Variants in EXOC4 observed in about 807,000 individuals in gnomAD.
The protein encoded by EXOC4 is SEC8-like 1.
A neutral mutation model predicts 107.2 loss-of-function variants in EXOC4; 71 were observed. That is an observed-to-expected ratio of 0.66 (90% CI 0.55 to 0.81). EXOC4 has a LOEUF of 0.81. Ranked by LOEUF, EXOC4 falls within the 30% of genes least tolerant of loss-of-function variation. The pLI is 0.00. For missense variants in EXOC4, 1,108 were observed against 1,189.6 expected (o/e 0.93, Z 1.01); for synonymous variants, 456 against 441.2 (o/e 1.03, Z -0.42).
intron 9 of EXOC4, among the ~76,000 whole-genome samples, chr7:133,485,094 TA>T (rs1294333074): frequency 2.3e-5 from 3 of 128,986 alleles, no homozygotes; most frequent in Non-Finnish European, 4.8e-5. Flanking sequence ...AATAAATAAA[TA>T]AATAAATAAA....
At chr7:134,030,536 C>A (rs1340162178) in intron 17 of EXOC4, among the ~76,000 whole-genome samples, 1 of 152,140 alleles carries the variant, frequency 6.6e-6, no homozygotes, top group East Asian at 1.9e-4. Context: ...CAGCTTAGCA[C>A]CGCTGATGAG....
At chr7:133,269,020 T>G (rs1181994512) in intron 1 of EXOC4, among the ~76,000 whole-genome samples, 4 of 152,236 alleles carry the variant, frequency 2.6e-5, no homozygotes, top group Admixed American at 2.0e-4. Flanking sequence ...CATAATCATT[T>G]TGAGAATAGG....
At chr7:133,568,624 A>G (rs1038844537) in intron 9 of EXOC4, among the ~76,000 whole-genome samples, 1 of 152,142 alleles carries the variant, frequency 6.6e-6, no homozygotes, top group Non-Finnish European at 1.5e-5. Context: ...TCATTTATGT[A>G]CCAGGAAATT....
chr7:133,356,259 T>A, intron 5 of EXOC4, 71 bp from the exon 6 acceptor site: 2 of 1,502,996 alleles, frequency 1.3e-6, no homozygotes, highest in Non-Finnish European at 9.1e-7. Flanking sequence ...TGATTTCGTT[T>A]ATTAGACTGC....
intron 13 of EXOC4, among the ~76,000 whole-genome samples, chr7:133,935,473 A>G (rs115111207): frequency 0.011 from 1,633 of 152,272 alleles, 38 homozygotes; most frequent in African/African-American, 0.037. Context: ...TAGGCAGCTA[A>G]TGGTTTCTGT....
intron 10 of EXOC4, among the ~76,000 whole-genome samples, chr7:133,752,522 C>T (rs1038783927): frequency 6.6e-6 from 1 of 152,120 alleles, no homozygotes; most frequent in Admixed American, 6.5e-5. Context: ...AGCATTTACC[C>T]TGTGTGAAGC....
chr7:133,853,021 G>A (rs1314208874), intron 11 of EXOC4, among the ~76,000 whole-genome samples: 1 of 152,136 alleles, frequency 6.6e-6, no homozygotes, highest in East Asian at 1.9e-4. Context: ...ACTGGAAGCC[G>A]GATTTAGTCA....
At chr7:133,759,087 T>C (rs1795979537) in intron 10 of EXOC4, among the ~76,000 whole-genome samples, 2 of 151,984 alleles carry the variant, frequency 1.3e-5, no homozygotes, top group African/African-American at 4.8e-5. Flanking sequence ...AAAAAACCCC[T>C]ACGGGCACAC....
chr7:133,730,103 A>T, intron 10 of EXOC4, among the ~76,000 whole-genome samples: 1 of 149,718 alleles, frequency 6.7e-6, no homozygotes, highest in South Asian at 2.2e-4. Flanking sequence ...ATTTCCTGTT[A>T]TTCCAGCATT....
chr7:133,401,693 T>G (rs770129384), intron 7 of EXOC4, among the ~76,000 whole-genome samples: 6 of 151,676 alleles, frequency 4.0e-5, no homozygotes, highest in Admixed American at 1.3e-4. Context: ...TCACTCTGAA[T>G]CTTTTCATTG....
At chr7:133,318,604 G>T (rs1243857963) in intron 5 of EXOC4, among the ~76,000 whole-genome samples, 2 of 152,024 alleles carry the variant, frequency 1.3e-5, no homozygotes, top group Non-Finnish European at 2.9e-5. Flanking sequence ...TAATGAAAAG[G>T]TAGAAAAAAA....
rs187226586 is a variant in EXOC4 at position 133,654,256 on chromosome 7, T to C, written c.1514+24115T>C. On this transcript the variant is annotated intron_variant, in intron 10 of 17. Transcript: ENST00000253861. ...AACTGTGAGTGAAACTGTTTAGCCC[T>C]GAAAGCAGCAATACAGCTGAGGTTC... is the stretch of plus-strand genomic sequence containing the variant. Among the ~76,000 whole-genome samples the C allele has an allele frequency of 2.6e-4, 39 of 152,298 alleles. No individual in the cohort carries two copies. In the East Asian group the frequency reaches 6.2e-3, roughly 24 times the overall value.
At chr7:133,456,455 C>T (rs566812999) in intron 7 of EXOC4, among the ~76,000 whole-genome samples, 1 of 152,314 alleles carries the variant, frequency 6.6e-6, no homozygotes, top group African/African-American at 2.4e-5. Context: ...GCGATCATAT[C>T]ATTGAATTGG....
chr7:133,775,477 T>G (rs904152731), intron 10 of EXOC4, among the ~76,000 whole-genome samples: 2 of 152,218 alleles, frequency 1.3e-5, no homozygotes, highest in Non-Finnish European at 2.9e-5. Flanking sequence ...TATATATTCT[T>G]GTCTTTTAGT....
At chr7:133,988,452 T>C (rs776898966) in intron 14 of EXOC4, among the ~76,000 whole-genome samples, 2 of 152,214 alleles carry the variant, frequency 1.3e-5, no homozygotes, top group Non-Finnish European at 2.9e-5. Context: ...AAGGCATTGA[T>C]TGAGCTTCTG....
At chr7:133,301,889 A>G (rs1432900144) in intron 3 of EXOC4, among the ~76,000 whole-genome samples, 4 of 152,250 alleles carry the variant, frequency 2.6e-5, no homozygotes, top group African/African-American at 9.6e-5. Context: ...ATGTCAGAAC[A>G]CAAAACTAGA....
chr7:133,467,563 C>A (rs1426117407), intron 7 of EXOC4, among the ~76,000 whole-genome samples: 2 of 143,812 alleles, frequency 1.4e-5, no homozygotes, highest in South Asian at 2.2e-4. Flanking sequence ...GGCTTCAGTT[C>A]GTAATTTGTC....
chr7:133,518,431 T>TTTTC, intron 9 of EXOC4, among the ~76,000 whole-genome samples: 3 of 152,176 alleles, frequency 2.0e-5, no homozygotes, highest in Middle Eastern at 3.4e-3. Context: ...CCTATTTTTT[T>TTTTC]TTTCTTTCTC....
At chr7:133,540,025 A>G (rs1800349065) in intron 9 of EXOC4, among the ~76,000 whole-genome samples, 2 of 152,130 alleles carry the variant, frequency 1.3e-5, no homozygotes, top group Admixed American at 1.3e-4. Context: ...TGTGAAAAAA[A>G]AATCACCACC....
Sources: allele counts gnomAD v4.1 joint callset (sites outside exome capture counted in the v4.1 genomes callset), GRCh38; gene constraint gnomAD v4.1.1; transcripts MANE v1.5; gene names NCBI Gene and HGNC (gene_info 2026-07-23, HGNC 2026-07-21).